IRS4: variants seen among roughly 807,000 people sequenced by gnomAD.
IRS4 encodes insulin receptor substrate 4.
Under a neutral mutation model 48.6 loss-of-function variants are expected in IRS4, and 15 were observed. The observed-to-expected ratio is 0.31, with a 90% CI of 0.21 to 0.48. The LOEUF (loss-of-function observed/expected upper bound fraction) is 0.48. IRS4 is among the 20% of genes least tolerant of loss of function. The pLI is 0.99. For synonymous variants in IRS4, 459 were observed against 413.2 expected (o/e 1.11, Z -1.34); for missense variants, 987 against 1,023.4 (o/e 0.96, Z 0.49).
At chrX:108,732,009 T>C (rs2068904525) in intron 1 of IRS4, among the ~76,000 whole-genome samples, 1 of 112,482 alleles carries the variant, frequency 8.9e-6, no homozygotes, top group African/African-American at 3.2e-5. Flanking sequence ...CCCCCAGACA[T>C]TCACGTTAAC....
Position 108,732,648 on chromosome X carries a change from T to G in IRS4, c.3697A>C (p.Asn1233His). 8.3e-7 allele frequency: 1 copy of G among 1,211,752 alleles called. No individual in the cohort carries two copies. Among genetic ancestry groups the G allele is most frequent in the Non-Finnish European group, 1.1e-6 (1 of 895,509 alleles). The change falls in exon 1 of 2, where the codon AAC becomes CAC. Residue 1233 changes from asparagine to histidine, a missense_variant. This residue lies in a region of IRS4 where 720 missense variants were observed against 660.3 expected (regional missense o/e 1.09). Coordinates refer to ENST00000372129, the MANE Select transcript of IRS4 (RefSeq NM_001379150.1). Reference protein sequence around the residue: ...PRPPEREDSDNDDDTHVRMDF... With the variant: ...PRPPEREDSDHDDDTHVRMDF... The stretch of plus-strand genomic sequence containing the variant: ...ATTCTCACGTGAGTGTCGTCGTCGT[T>G]GTCAGAATCTTCTCTCTCCGGGGGT...
Position 108,733,423 on chromosome X carries a change from G to A in IRS4, c.2922C>T (p.Asp974=). The A allele has an allele frequency of 8.3e-7, 1 of 1,211,341 alleles. No individual in the cohort carries two copies. The highest frequency in any genetic ancestry group is 1.1e-6 in the Non-Finnish European group (1 of 895,268). ...GTATAGCTCTTAAAAGATCTGAGAG[G>A]TCGTTTGCTGGATTTGGAAATGGCA... ...FGVPFPNPAN[D]LSDLLRAIPR... is the part of the protein sequence containing the mutation. Residue 974 remains aspartate (D), a synonymous_variant, in exon 1 of 2, where the codon GAC becomes GAT. Coordinates refer to ENST00000372129, the MANE Select transcript of IRS4 (RefSeq NM_001379150.1).
intron 1 of IRS4, 53 bp from the exon 2 acceptor site, chrX:108,722,576 T>C (rs756864251): frequency 6.4e-6 from 2 of 314,557 alleles, no homozygotes; most frequent in Admixed American, 6.9e-5. Context: ...TGTGGAGAGC[T>C]GTCACCCCCA....
intron 1 of IRS4, chrX:108,722,731 C>G (rs1376355478): frequency 4.7e-6 from 1 of 214,412 alleles, no homozygotes; most frequent in African/African-American, 2.9e-5. Flanking sequence ...GGCAAAGACA[C>G]AAGGGCAGTT....
At position 108,726,002 on chromosome X, in the gene IRS4, G is replaced by C. The variant is rs193172496; in HGVS notation, c.3767-3479C>G. The C allele has an allele frequency of 1.5e-4, 17 of 112,174 alleles. No homozygotes were observed. In the East Asian group the frequency reaches 4.2e-3, roughly 28 times the overall value. The allele number at this position is 112,174 out of a possible 1,213,427, so 9.2% of individuals were successfully genotyped here. On this transcript the variant is annotated intron_variant, in intron 1 of 1. Coordinates refer to ENST00000372129, the MANE Select transcript of IRS4 (RefSeq NM_001379150.1). The stretch of plus-strand genomic sequence containing the variant: ...GCTACAGGATTTTCATGGTAGGTCA[G>C]CTTCTCCACTACTTCCCAACACACA...
chrX:108,727,620 G>A (rs1184645515), intron 1 of IRS4, among the ~76,000 whole-genome samples: 2 of 112,126 alleles, frequency 1.8e-5, no homozygotes, highest in Non-Finnish European at 3.8e-5. Flanking sequence ...CACTATCTAA[G>A]AGTCTGGCAG....
At position 108,734,829 on chromosome X, in the gene IRS4, C is replaced by T. The variant is rs775620395; in HGVS notation, c.1516G>A (p.Gly506Ser). Residue 506 changes from glycine to serine, a missense_variant, in exon 1 of 2, where the codon GGC becomes AGC. Around this residue, in one of 4 missense-constraint regions of IRS4, gnomAD observed 720 missense variants for 660.3 expected, o/e 1.09. Transcript: ENST00000372129. ...GNGRGSGGGQ[G>S]SNGQGSSSHS... ...CTACTGGAGCCTTGGCCATTTGAGC[C>T]CTGGCCACCTCCTGAGCCCCGGCCA... is the stretch of plus-strand genomic sequence containing the variant. The T allele has an allele frequency of 2.1e-5, 26 of 1,210,004 alleles. 1 individual carries two copies. The South Asian group carries it at 4.2e-4, about 20-fold the overall frequency.
At chrX:108,727,775 A>G (rs1479290729) in intron 1 of IRS4, among the ~76,000 whole-genome samples, 1 of 112,443 alleles carries the variant, frequency 8.9e-6, no homozygotes, top group Non-Finnish European at 1.9e-5. Context: ...ACTTAATTGT[A>G]AACAGGGATT....
intron 1 of IRS4, among the ~76,000 whole-genome samples, chrX:108,729,948 T>G (rs2068891458): frequency 8.9e-6 from 1 of 112,236 alleles, no homozygotes; most frequent in Non-Finnish European, 1.9e-5. Flanking sequence ...ACAATGGCAA[T>G]AACTGTAAAA....
At chrX:108,726,186 T>C (rs764167430) in intron 1 of IRS4, 1 of 112,777 alleles carries the variant, frequency 8.9e-6, no homozygotes, top group Non-Finnish European at 1.9e-5. Context: ...AACAATGTCA[T>C]AAATTAATGG....
chrX:108,725,613 C>T (rs1354294542), intron 1 of IRS4, among the ~76,000 whole-genome samples: 1 of 111,315 alleles, frequency 9.0e-6, no homozygotes, highest in Non-Finnish European at 1.9e-5. Flanking sequence ...AAAGGATCAT[C>T]ATACTTTTCT....
At chrX:108,729,706 T>C (rs1024433860) in intron 1 of IRS4, among the ~76,000 whole-genome samples, 2 of 112,163 alleles carry the variant, frequency 1.8e-5, no homozygotes, top group Non-Finnish European at 3.8e-5. Flanking sequence ...TTATACGCAA[T>C]GTGACTGTAG....
intron 1 of IRS4, among the ~76,000 whole-genome samples, chrX:108,728,996 A>C (rs1237651599): frequency 8.9e-6 from 1 of 112,124 alleles, no homozygotes; most frequent in Non-Finnish European, 1.9e-5. Context: ...ACTTTAGTTA[A>C]CTTTAATTAA....
intron 1 of IRS4, among the ~76,000 whole-genome samples, chrX:108,731,497 T>C (rs1378284844): frequency 9.0e-6 from 1 of 111,540 alleles, no homozygotes; most frequent in African/African-American, 3.3e-5. Flanking sequence ...CTCTTGAAAA[T>C]GTTTCAAGAC....
chrX:108,726,296 G>A (rs1183178523), intron 1 of IRS4: 2 of 111,949 alleles, frequency 1.8e-5, no homozygotes, highest in Non-Finnish European at 3.8e-5. Context: ...CATCATTTCT[G>A]AGGGAAGATG....
Position 108,733,840 on chromosome X carries a change from C to A in IRS4, c.2505G>T (p.Lys835Asn). ...NSEYVPMLPG[K>N]FLGRGLDKEV... ...CTTTGTCTAGGCCCCTCCCCAGGAA[C>A]TTTCCAGGTAACATTGGCACATACT... Residue 835 changes from lysine to asparagine, a missense_variant, in exon 1 of 2, where the codon AAG becomes AAT. This residue lies in a region of IRS4 where 720 missense variants were observed against 660.3 expected (regional missense o/e 1.09). Coordinates refer to ENST00000372129, the MANE Select transcript of IRS4 (RefSeq NM_001379150.1). 1 of 1,211,556 alleles carries A rather than the reference C, an allele frequency of 8.3e-7. No homozygotes were observed. Among genetic ancestry groups the A allele is most frequent in the Non-Finnish European group, 1.1e-6 (1 of 895,529 alleles).
In IRS4 at chrX:108,720,281, G is replaced by A. The variant is rs2068851470; in HGVS notation, c.*2238C>T. Reference sequence around the variant, plus strand: ...AATATTCCATCATTGTTTTTTCTTAGCAGCATGAACTGATAGCTGGAAGGT... The same window carrying A: ...AATATTCCATCATTGTTTTTTCTTAACAGCATGAACTGATAGCTGGAAGGT... On this transcript the variant is annotated 3_prime_UTR_variant, in exon 2 of 2. Transcript: ENST00000372129. 1 of 112,260 alleles carries A rather than the reference G, an allele frequency of 8.9e-6. No individual in the cohort carries two copies. The highest frequency in any genetic ancestry group is 3.2e-5 in the African/African-American group (1 of 30,920). The allele number at this position is 112,260 out of a possible 1,213,427, so 9.3% of individuals were successfully genotyped here.
intron 1 of IRS4, among the ~76,000 whole-genome samples, chrX:108,728,480 A>T (rs766809958): frequency 3.6e-5 from 4 of 112,006 alleles, no homozygotes; most frequent in African/African-American, 1.3e-4. Context: ...GGAGTGCTGG[A>T]CTTGAAATCA....
rs1260200424 is a variant in IRS4, at chrX:108,733,085, C to T, written c.3260G>A (p.Ser1087Asn). 8.3e-7 allele frequency: 1 copy of T among 1,210,227 alleles called. No homozygotes were observed. Among genetic ancestry groups the T allele is most frequent in the Admixed American group, 2.2e-5 (1 of 45,851 alleles). ...EEEQERRRPQSRSQSFFAAAR... is the reference protein window; with the variant it reads ...EEEQERRRPQNRSQSFFAAAR... ...TGCTGCAAAGAAACTTTGAGAACGG[C>T]TTTGTGGGCGTCTTCTCTCCTGCTC... is the stretch of plus-strand genomic sequence containing the variant. The change falls in exon 1 of 2, where the codon AGC becomes AAC. Residue 1087 changes from serine to asparagine, a missense_variant. Around this residue, in one of 4 missense-constraint regions of IRS4, gnomAD observed 720 missense variants for 660.3 expected, o/e 1.09. Coordinates refer to ENST00000372129, the MANE Select transcript of IRS4 (RefSeq NM_001379150.1).
Sources: gnomAD v4.1 joint callset for allele counts (sites outside exome capture counted in the v4.1 genomes callset) on GRCh38, gnomAD v4.1.1 for gene constraint, gnomAD v4.1.1 regional missense constraint, MANE v1.5 for transcripts, NCBI Gene and HGNC (gene_info 2026-07-23, HGNC 2026-07-21) for gene names.